Variants in INSR observed in about 807,000 individuals in gnomAD.
INSR encodes insulin receptor.
A neutral mutation model predicts 142.6 loss-of-function variants in INSR; 67 were observed. The ratio of observed to expected loss-of-function variants is 0.47; its 90% CI spans 0.39 to 0.58. The LOEUF (loss-of-function observed/expected upper bound fraction) is 0.58, where lower values mean the gene tolerates loss of function less well. INSR is among the 20% of genes least tolerant of loss of function. INSR has a pLI of 0.00. For missense variants in INSR, 1,248 were observed against 1,833.2 expected, an observed-to-expected ratio of 0.68 and a Z score of 5.83; for synonymous variants, 756 against 743.1, an observed-to-expected ratio of 1.02 and a Z score of -0.28.
At chr19:7,230,821 AT>A (rs67005121) in intron 2 of INSR, among the ~76,000 whole-genome samples, 7,950 of 148,030 alleles carry the variant, frequency 0.054, 1,007 homozygotes, top group African/African-American at 0.18. Context: ...TAAAAAAAAA[AT>A]AAAAAATATT....
chr19:7,263,406 A>C (rs1205351941), intron 2 of INSR, among the ~76,000 whole-genome samples: 1 of 152,170 alleles, frequency 6.6e-6, no homozygotes, highest in African/African-American at 2.4e-5. Context: ...TTCAAAAAAC[A>C]ATCATTTTTT....
chr19:7,238,231 A>G, intron 2 of INSR, among the ~76,000 whole-genome samples: 1 of 152,214 alleles, frequency 6.6e-6, no homozygotes, highest in Non-Finnish European at 1.5e-5. Flanking sequence ...TAGAGGGAAA[A>G]AAAAAGCACC....
rs199750451 is a variant in INSR at position 7,184,661 on chromosome 19, G to GAGAGAGAGAGAGAGAGA, written c.653-25_653-24insTCTCTCTCTCTCTCTCT. 54 of 1,294,292 alleles carry GAGAGAGAGAGAGAGAGA rather than the reference G, an allele frequency of 4.2e-5. No homozygotes were observed. In the African/African-American group the frequency reaches 5.9e-4, roughly 14 times the overall value. 80.2% of individuals were successfully genotyped at this position (1,294,292 alleles called of 1,614,324 possible). ...AACTGGAGAGAGAGAGAGAGAGAGAGGGAAATAAATAAATAAATAAATAAA... is the reference window on the plus strand; with the variant it reads ...AACTGGAGAGAGAGAGAGAGAGAGAGAGAGAGAGAGAGAGAGAGGAAATAAATAAATAAATAAATAAA... On this transcript the variant is annotated intron_variant, in intron 2 of 21. Transcript: ENST00000302850.
intron 1 of INSR, among the ~76,000 whole-genome samples, chr19:7,286,636 C>T (rs1031969607): frequency 6.6e-6 from 1 of 152,028 alleles, no homozygotes; most frequent in Non-Finnish European, 1.5e-5. Flanking sequence ...GTTCCTCCCA[C>T]CTCAGCTTCC....
At chr19:7,281,842 A>T (rs1968210995) in intron 1 of INSR, among the ~76,000 whole-genome samples, 1 of 152,196 alleles carries the variant, frequency 6.6e-6, no homozygotes, top group African/African-American at 2.4e-5. Flanking sequence ...CAAAGGAAAT[A>T]AGAATCTCAT....
At chr19:7,202,570 G>A (rs1307098689) in intron 2 of INSR, among the ~76,000 whole-genome samples, 3 of 152,002 alleles carry the variant, frequency 2.0e-5, no homozygotes, top group Admixed American at 6.6e-5. Flanking sequence ...CACCATCTCG[G>A]CTCACTGCAA....
intron 2 of INSR, among the ~76,000 whole-genome samples, chr19:7,233,279 C>T (rs1976047329): frequency 6.6e-6 from 1 of 152,272 alleles, no homozygotes; most frequent in South Asian, 2.1e-4. Flanking sequence ...CAGGCGTGAG[C>T]CACCATGCCC....
intron 2 of INSR, among the ~76,000 whole-genome samples, chr19:7,224,276 T>C (rs1415605606): frequency 6.6e-6 from 1 of 150,938 alleles, no homozygotes; most frequent in African/African-American, 2.5e-5. Context: ...GACAAAGTCT[T>C]GTGACATGCT....
chr19:7,269,994 G>T (rs921245247), intron 1 of INSR, among the ~76,000 whole-genome samples: 7 of 152,092 alleles, frequency 4.6e-5, no homozygotes, highest in Admixed American at 4.6e-4. Flanking sequence ...GTGGAGTCTC[G>T]TTCTGTTGCC....
chr19:7,284,987 C>T (rs1169516888), intron 1 of INSR, among the ~76,000 whole-genome samples: 1 of 152,086 alleles, frequency 6.6e-6, no homozygotes. Flanking sequence ...TTGAGGGTTA[C>T]AAATACATTT....
chr19:7,136,485 G>A (rs1254072021), intron 13 of INSR, among the ~76,000 whole-genome samples: 2 of 152,070 alleles, frequency 1.3e-5, no homozygotes, highest in Non-Finnish European at 2.9e-5. Context: ...TGTTGGCACT[G>A]GATTTAACTC....
intron 2 of INSR, among the ~76,000 whole-genome samples, chr19:7,219,686 T>C (rs12610987): frequency 0.65 from 98,072 of 151,504 alleles, 32,262 homozygotes; most frequent in African/African-American, 0.77. Context: ...AGAAAGAAAA[T>C]GAAAAAAAAG....
In INSR at chr19:7,159,899, G is replaced by A. The variant is rs1037995870; in HGVS notation, c.2029+3133C>T. The stretch of plus-strand genomic sequence containing the variant: ...GAGCTCCTGGCCTCAGCCACACCTC[G>A]CCAGTGGCCCCCTGGCCTTCTCCTC... On this transcript the variant is annotated intron_variant, in intron 9 of 21. Coordinates refer to ENST00000302850, the MANE Select transcript of INSR (RefSeq NM_000208.4). This position sits in a 1 kb window ranked among gnomAD's most constrained non-coding sequence, Gnocchi z 4.3. 2.6e-5 allele frequency among the ~76,000 whole-genome samples: 4 copies of A among 152,146 alleles called. No homozygotes were observed. Among genetic ancestry groups the A allele is most frequent in the Non-Finnish European group, 5.9e-5 (4 of 68,022 alleles).
intron 9 of INSR, 42 bp from the exon 10 acceptor site, chr19:7,152,969 C>G (rs1349368148): frequency 1.4e-6 from 2 of 1,440,442 alleles, no homozygotes; most frequent in South Asian, 1.2e-5. Context: ...GTCTCTGCGG[C>G]TGAACACACA....
intron 12 of INSR, 58 bp from the exon 13 acceptor site, chr19:7,141,874 G>T: frequency 7.0e-7 from 1 of 1,419,714 alleles, no homozygotes; most frequent in Non-Finnish European, 9.9e-7. Flanking sequence ...TCCCACTTCT[G>T]CCACCTGTCC....
At chr19:7,279,946 C>T (rs946049709) in intron 1 of INSR, among the ~76,000 whole-genome samples, 20 of 151,584 alleles carry the variant, frequency 1.3e-4, no homozygotes, top group Non-Finnish European at 2.5e-4. Context: ...CCAGCCTAGG[C>T]GACAGTGCGA....
intron 3 of INSR, among the ~76,000 whole-genome samples, chr19:7,181,395 G>T (rs1974271080): frequency 6.6e-6 from 1 of 152,128 alleles, no homozygotes; most frequent in African/African-American, 2.4e-5. Context: ...AGTGAGAGAG[G>T]CCAAGAAGAA....
intron 2 of INSR, among the ~76,000 whole-genome samples, chr19:7,213,505 A>G (rs1292921481): frequency 1.3e-5 from 2 of 152,128 alleles, no homozygotes; most frequent in African/African-American, 4.8e-5. Flanking sequence ...TTTATTTATC[A>G]AGCCAAACAG....
chr19:7,257,527 C>CA (rs55712056), intron 2 of INSR, among the ~76,000 whole-genome samples: 2,227 of 85,078 alleles, frequency 0.026, 30 homozygotes, highest in Non-Finnish European at 0.029. Context: ...CAGAGAGCTC[C>CA]AAAAAAAAAA....
Sources: gnomAD v4.1 joint callset for allele counts (sites outside exome capture counted in the v4.1 genomes callset) on GRCh38, gnomAD v4.1.1 for gene constraint, Gnocchi (gnomAD v3.1) non-coding constraint, MANE v1.5 for transcripts, NCBI Gene and HGNC (gene_info 2026-07-23, HGNC 2026-07-21) for gene names.